UBE2E2: variants seen among roughly 807,000 people sequenced by gnomAD.
UBE2E2 encodes ubiquitin conjugating enzyme E2 E2, also known as ubiquitin-conjugating enzyme E2 E2.
Under a neutral mutation model 24.7 loss-of-function variants are expected in UBE2E2, and 6 were observed. The observed-to-expected ratio is 0.24, with a 90% CI of 0.13 to 0.48. UBE2E2 has a LOEUF of 0.48. Ranked by LOEUF, UBE2E2 falls within the 20% of genes least tolerant of loss-of-function variation. UBE2E2 has a pLI of 0.99. For synonymous variants in UBE2E2, 104 were observed against 83.6 expected, an observed-to-expected ratio of 1.24 and a Z score of -1.33; for missense variants, 169 against 245.0, an observed-to-expected ratio of 0.69 and a Z score of 2.07.
intron 3 of UBE2E2, among the ~76,000 whole-genome samples, chr3:23,453,779 C>G: frequency 6.6e-6 from 1 of 152,150 alleles, no homozygotes; most frequent in African/African-American, 2.4e-5. Flanking sequence ...TGTATTACAG[C>G]TTTCCTTTCA....
chr3:23,524,216 C>A (rs946410135), intron 4 of UBE2E2, among the ~76,000 whole-genome samples: 1 of 152,022 alleles, frequency 6.6e-6, no homozygotes, highest in Non-Finnish European at 1.5e-5. Flanking sequence ...GTCAGAAATA[C>A]TGTATTAAAA....
chr3:23,289,012 A>G (rs1167065704), intron 3 of UBE2E2, among the ~76,000 whole-genome samples: 3 of 152,190 alleles, frequency 2.0e-5, no homozygotes, highest in Non-Finnish European at 4.4e-5. Flanking sequence ...GAAGTTAAAA[A>G]CCAGGTACTG....
chr3:23,317,999 G>A (rs538955586), intron 3 of UBE2E2, among the ~76,000 whole-genome samples: 2 of 152,094 alleles, frequency 1.3e-5, no homozygotes, highest in Admixed American at 1.3e-4. Context: ...ACGACAATCA[G>A]TGGAGCTTCT....
intron 5 of UBE2E2, among the ~76,000 whole-genome samples, chr3:23,543,988 G>T (rs919130992): frequency 7.9e-5 from 12 of 152,194 alleles, no homozygotes; most frequent in African/African-American, 2.9e-4. Flanking sequence ...AACAAATGGT[G>T]CTGGGATAAT....
At chr3:23,582,922 CTTTCA>C (rs1316090846) in intron 5 of UBE2E2, among the ~76,000 whole-genome samples, 2 of 148,996 alleles carry the variant, frequency 1.3e-5, no homozygotes, top group South Asian at 2.1e-4. Context: ...TGCAGACTCT[CTTTCA>C]TTTAATTAGA....
At chr3:23,255,481 T>A (rs531472566) in intron 3 of UBE2E2, among the ~76,000 whole-genome samples, 23 of 152,268 alleles carry the variant, frequency 1.5e-4, no homozygotes, top group African/African-American at 4.8e-4. Context: ...ACAGGCTTAC[T>A]ATTTATTAAT....
At chr3:23,440,990 T>G (rs1698291486) in intron 3 of UBE2E2, among the ~76,000 whole-genome samples, 1 of 152,110 alleles carries the variant, frequency 6.6e-6, no homozygotes, top group African/African-American at 2.4e-5. Context: ...GGGGCTATTT[T>G]AAAAATCCCT....
chr3:23,350,903 T>A (rs1695727744), intron 3 of UBE2E2, among the ~76,000 whole-genome samples: 1 of 152,098 alleles, frequency 6.6e-6, no homozygotes, highest in South Asian at 2.1e-4. Flanking sequence ...AAGATACTCC[T>A]CGAGAAGAGC....
intron 3 of UBE2E2, among the ~76,000 whole-genome samples, chr3:23,246,522 A>T (rs1697407431): frequency 6.7e-6 from 1 of 148,160 alleles, no homozygotes. Context: ...GGCATGAGCC[A>T]CTGTGCCCGG....
chr3:23,341,790 C>T (rs1177615369), intron 3 of UBE2E2, among the ~76,000 whole-genome samples: 8 of 151,824 alleles, frequency 5.3e-5, no homozygotes, highest in Admixed American at 4.6e-4. Context: ...AGTATCTGGC[C>T]AATTTTTTCT....
intron 4 of UBE2E2, among the ~76,000 whole-genome samples, chr3:23,515,999 A>G (rs1204782836): frequency 2.0e-5 from 3 of 152,100 alleles, no homozygotes; most frequent in Admixed American, 6.6e-5. Flanking sequence ...AAAAAGGAGC[A>G]ACCAGATTAA....
chr3:23,483,849 A>G (rs929750456), intron 3 of UBE2E2, among the ~76,000 whole-genome samples: 2 of 152,144 alleles, frequency 1.3e-5, no homozygotes, highest in Admixed American at 1.3e-4. Flanking sequence ...AAGCTGTTCA[A>G]GCTCTTTTTA....
chr3:23,385,766 G>A (rs966405391), intron 3 of UBE2E2, among the ~76,000 whole-genome samples: 1 of 152,184 alleles, frequency 6.6e-6, no homozygotes, highest in African/African-American at 2.4e-5. Flanking sequence ...TCAGCTTCTT[G>A]TACTGGCTTC....
At chr3:23,519,650 A>T (rs1694815559) in intron 4 of UBE2E2, among the ~76,000 whole-genome samples, 3 of 152,172 alleles carry the variant, frequency 2.0e-5, no homozygotes, top group African/African-American at 7.2e-5. Context: ...CACAATAGTA[A>T]TAGTGAATAT....
At chr3:23,506,107 T>A (rs1388511228) in intron 4 of UBE2E2, among the ~76,000 whole-genome samples, 1 of 152,236 alleles carries the variant, frequency 6.6e-6, no homozygotes, top group East Asian at 1.9e-4. Flanking sequence ...GAGCAGTGAT[T>A]TATGTGTGTA....
At chr3:23,546,599 G>C (rs550722783) in intron 5 of UBE2E2, among the ~76,000 whole-genome samples, 1 of 149,660 alleles carries the variant, frequency 6.7e-6, no homozygotes, top group Non-Finnish European at 1.5e-5. Context: ...TCAGCCTCCC[G>C]AGTAGCTGAA....
intron 3 of UBE2E2, among the ~76,000 whole-genome samples, chr3:23,269,172 G>C (rs1449746697): frequency 6.6e-6 from 1 of 152,128 alleles, no homozygotes; most frequent in African/African-American, 2.4e-5. Flanking sequence ...AACACCAAAA[G>C]CATGGCAACA....
intron 1 of UBE2E2, among the ~76,000 whole-genome samples, chr3:23,203,753 C>G (rs911360356): frequency 4.7e-5 from 7 of 149,056 alleles, no homozygotes; most frequent in Admixed American, 4.7e-4. Flanking sequence ...AGTTCCCCAT[C>G]CTTCTCAACC....
At chr3:23,411,953 C>T (rs1364054960) in intron 3 of UBE2E2, among the ~76,000 whole-genome samples, 3 of 151,982 alleles carry the variant, frequency 2.0e-5, no homozygotes, top group African/African-American at 7.2e-5. Context: ...ATCACAGTTG[C>T]TTGTCTACAA....
Sources: allele counts gnomAD v4.1 joint callset (sites outside exome capture counted in the v4.1 genomes callset), GRCh38; gene constraint gnomAD v4.1.1; transcripts MANE v1.5; gene names NCBI Gene and HGNC (gene_info 2026-07-23, HGNC 2026-07-21).